The following ATG5 variants were observed in gnomAD, a reference collection of about 807,000 sequenced individuals.
The protein encoded by ATG5 is autophagy protein 5.
A neutral mutation model predicts 36.5 loss-of-function variants in ATG5; 14 were observed. That is an observed-to-expected ratio of 0.38 (90% CI 0.25 to 0.60). The LOEUF (loss-of-function observed/expected upper bound fraction) is 0.60, where lower values mean the gene tolerates loss of function less well. ATG5 is among the 20% of genes least tolerant of loss of function. ATG5 has a pLI of 0.60. For synonymous variants in ATG5, 95 were observed against 101.5 expected (o/e 0.94, Z 0.38); for missense variants, 195 against 326.7 (o/e 0.60, Z 3.11).
chr6:106,195,139 C>A (rs1303759982), intron 7 of ATG5, among the ~76,000 whole-genome samples: 1 of 152,188 alleles, frequency 6.6e-6, no homozygotes, highest in African/African-American at 2.4e-5. Flanking sequence ...TTAGTTACTC[C>A]ACAAGAACAA....
intron 6 of ATG5, among the ~76,000 whole-genome samples, chr6:106,236,146 T>C (rs1372545476): frequency 6.6e-6 from 1 of 152,258 alleles, no homozygotes; most frequent in Admixed American, 6.5e-5. Flanking sequence ...TAATGTTCTG[T>C]GACATTTATC....
At chr6:106,242,080 ATAT>A (rs1778149833) in intron 6 of ATG5, among the ~76,000 whole-genome samples, 1 of 152,166 alleles carries the variant, frequency 6.6e-6, no homozygotes, top group Non-Finnish European at 1.5e-5. Context: ...ATACAATGGA[ATAT>A]TATTAAGCCT....
Position 106,202,096 on chromosome 6 carries a change from G to A in ATG5, c.574-7C>T. ...AAGGTCTTTCAGTCGTTGTCTATTT[G>A]AAAAAGGAAAAAATGATTCAAGCAA... On this transcript the variant is annotated splice_region_variant and splice_polypyrimidine_tract_variant and intron_variant, in intron 6 of 7. Transcript: ENST00000369076. 6.2e-7 allele frequency: 1 copy of A among 1,603,630 alleles called. No homozygotes were observed. Among genetic ancestry groups the A allele is most frequent in the Non-Finnish European group, 8.5e-7 (1 of 1,173,382 alleles).
rs56336702 is a variant in ATG5, at chr6:106,297,717, A to AACACACAC, written c.237-4619_237-4612dup. On this transcript the variant is annotated intron_variant, in intron 3 of 7. Coordinates refer to ENST00000369076, the MANE Select transcript of ATG5 (RefSeq NM_004849.4). ...TCTAAATTATTTGCAAAATGACTTA[A>AACACACAC]ACACACACACACACACACACACACA... Among the ~76,000 whole-genome samples, 843 of 135,490 alleles carry AACACACAC rather than the reference A, an allele frequency of 6.2e-3. 5 individuals carry two copies. Among genetic ancestry groups the AACACACAC allele is most frequent in the South Asian group, 0.01 (42 of 4,022 alleles). The allele number at this position is 135,490 out of a possible 152,430, so 88.9% of individuals were successfully genotyped here.
At chr6:106,272,612 G>GATC (rs1779495719) in intron 5 of ATG5, among the ~76,000 whole-genome samples, 1 of 152,136 alleles carries the variant, frequency 6.6e-6, no homozygotes, top group African/African-American at 2.4e-5. Context: ...ACGTAAAAGT[G>GATC]ATCTGTTTAA....
chr6:106,241,060 G>A (rs1247264806), intron 6 of ATG5, among the ~76,000 whole-genome samples: 1 of 152,188 alleles, frequency 6.6e-6, no homozygotes, highest in Non-Finnish European at 1.5e-5. Context: ...GGCTGAGGCA[G>A]GAGAATCACT....
chr6:106,195,023 T>A (rs1776120515), intron 7 of ATG5, among the ~76,000 whole-genome samples: 1 of 152,180 alleles, frequency 6.6e-6, no homozygotes, highest in Non-Finnish European at 1.5e-5. Context: ...CCTTTGGTCA[T>A]TTCCTGTTAC....
At position 106,292,914 on chromosome 6, in the gene ATG5, A is replaced by G. The variant is rs1780372135; in HGVS notation, c.315+114T>C. 6 of 802,108 alleles carry G rather than the reference A, an allele frequency of 7.5e-6. 1 individual carries two copies. Among genetic ancestry groups the G allele is most frequent in the Non-Finnish European group, 1.0e-5 (5 of 495,026 alleles). 49.7% of individuals were successfully genotyped at this position (802,108 alleles called of 1,614,324 possible). A position where few individuals can be genotyped will look rare whatever the true frequency, so the allele number is the denominator to read the frequency against. ...AAATACTAATCGAAGCTTAGCAACT[A>G]AAACAGTGTCAGGGGAAAAGCAATA... On this transcript the variant is annotated intron_variant, in intron 4 of 7. Coordinates refer to ENST00000369076, the MANE Select transcript of ATG5 (RefSeq NM_004849.4).
intron 7 of ATG5, among the ~76,000 whole-genome samples, chr6:106,195,005 T>G (rs1312680502): frequency 6.6e-6 from 1 of 152,198 alleles, no homozygotes; most frequent in Non-Finnish European, 1.5e-5. Context: ...ACAATTTACC[T>G]GAGCTCACCT....
At chr6:106,251,867 G>C (rs1184479578) in intron 5 of ATG5, among the ~76,000 whole-genome samples, 4 of 151,826 alleles carry the variant, frequency 2.6e-5, no homozygotes, top group Non-Finnish European at 5.9e-5. Context: ...AAGAGACAGA[G>C]TCTCGCTCTG....
chr6:106,246,684 G>A (rs1396976220), intron 6 of ATG5, among the ~76,000 whole-genome samples: 1 of 152,116 alleles, frequency 6.6e-6, no homozygotes, highest in African/African-American at 2.4e-5. Context: ...ACCCAAATAA[G>A]TGCTGAGAGG....
At chr6:106,263,694 C>T (rs1204931860) in intron 5 of ATG5, among the ~76,000 whole-genome samples, 1 of 152,166 alleles carries the variant, frequency 6.6e-6, no homozygotes, top group East Asian at 1.9e-4. Context: ...ACAGCCTCCA[C>T]TGGTGATACC....
Position 106,202,038 on chromosome 6 carries a change from C to T in ATG5, c.625G>A (p.Asp209Asn), listed in dbSNP as rs756357015. 6.2e-6 allele frequency: 10 copies of T among 1,614,002 alleles called. No individual in the cohort carries two copies. Among genetic ancestry groups the T allele is most frequent in the Non-Finnish European group, 8.5e-6 (10 of 1,179,904 alleles). The change falls in exon 7 of 8, where the codon GAT becomes AAT. Residue 209 changes from aspartate (D) to asparagine (N), a missense_variant. By Grantham distance (23) the Asp-to-Asn change is conservative (BLOSUM62 1). Coordinates refer to ENST00000369076, the MANE Select transcript of ATG5 (RefSeq NM_004849.4). ...IQKLFRPVAA[D>N]GQLHTLGDLL... is the part of the protein sequence containing the mutation. The stretch of plus-strand genomic sequence containing the variant: ...TCTCCTAGTGTGTGCAACTGTCCAT[C>T]TGCAGCCACAGGACGAAACAGCTTC...
chr6:106,228,986 C>T (rs983476893), intron 6 of ATG5, among the ~76,000 whole-genome samples: 4 of 152,236 alleles, frequency 2.6e-5, no homozygotes, highest in African/African-American at 4.8e-5. Context: ...GAGATCATGT[C>T]GCAGCCAGAA....
intron 3 of ATG5, among the ~76,000 whole-genome samples, chr6:106,295,073 C>T (rs1236027027): frequency 6.6e-6 from 1 of 151,912 alleles, no homozygotes; most frequent in African/African-American, 2.4e-5. Context: ...TACACACACA[C>T]ACACATATAC....
At chr6:106,305,341 G>A (rs943416589) in intron 3 of ATG5, among the ~76,000 whole-genome samples, 5 of 151,952 alleles carry the variant, frequency 3.3e-5, no homozygotes, top group African/African-American at 1.2e-4. Flanking sequence ...CAAAGCCCCC[G>A]GTACTCTTCA....
At chr6:106,238,766 A>G (rs1007810885) in intron 6 of ATG5, among the ~76,000 whole-genome samples, 1 of 152,228 alleles carries the variant, frequency 6.6e-6, no homozygotes, top group Non-Finnish European at 1.5e-5. Flanking sequence ...CAAATGCTAA[A>G]TAAGTATCTT....
chr6:106,286,811 G>A (rs1420529093), intron 4 of ATG5, among the ~76,000 whole-genome samples: 1 of 152,142 alleles, frequency 6.6e-6, no homozygotes, highest in East Asian at 1.9e-4. Context: ...CAGCCAACAA[G>A]AAGATAGGCC....
chr6:106,262,359 C>T (rs552718242), intron 5 of ATG5, among the ~76,000 whole-genome samples: 2 of 152,206 alleles, frequency 1.3e-5, no homozygotes, highest in African/African-American at 2.4e-5. Flanking sequence ...CCACTGCACC[C>T]GGCCGGTCTA....
Sources: allele counts gnomAD v4.1 joint callset (sites outside exome capture counted in the v4.1 genomes callset), GRCh38; gene constraint gnomAD v4.1.1; transcripts MANE v1.5; gene names NCBI Gene and HGNC (gene_info 2026-07-23, HGNC 2026-07-21).